The following TLN2 variants were observed in gnomAD, a reference collection of about 807,000 sequenced individuals.
TLN2 encodes talin-2.
A neutral mutation model predicts 294.7 loss-of-function variants in TLN2; 118 were observed. That is an observed-to-expected ratio of 0.40 (90% CI 0.34 to 0.47). The LOEUF is 0.47. Ranked by LOEUF, TLN2 falls within the 20% of genes least tolerant of loss-of-function variation. The pLI, the probability that TLN2 is intolerant of heterozygous loss-of-function variation, is 0.84. For synonymous variants in TLN2, 1,431 were observed against 1,304.5 expected (o/e 1.10, Z -2.09); for missense variants, 3,083 against 3,282.2 (o/e 0.94, Z 1.48).
chr15:62,757,420 C>T (rs992970630), intron 37 of TLN2, among the ~76,000 whole-genome samples: 4 of 152,182 alleles, frequency 2.6e-5, no homozygotes, highest in Non-Finnish European at 5.9e-5. Flanking sequence ...ATGAGCTTAT[C>T]TCAGTTAAAA....
chr15:62,609,575 G>A (rs1301579129), intron 2 of TLN2, among the ~76,000 whole-genome samples: 1 of 152,208 alleles, frequency 6.6e-6, no homozygotes, highest in East Asian at 1.9e-4. Flanking sequence ...CTCAGTTGAG[G>A]TTTGTGTCTT....
chr15:62,839,095 A>AGATGGTGTGGT (rs943707755), intron 58 of TLN2, 114 bp downstream of exon 58: 1 of 1,389,952 alleles, frequency 7.2e-7, no homozygotes, highest in African/African-American at 1.5e-5. Context: ...CGTGTACCAG[A>AGATGGTGTGGT]GATGGTGTGG....
intron 1 of TLN2, among the ~76,000 whole-genome samples, chr15:62,544,534 G>A (rs2140531145): frequency 6.6e-6 from 1 of 152,216 alleles, no homozygotes; most frequent in South Asian, 2.1e-4. Context: ...ATGCTTTCCT[G>A]AAAAAACAGA....
intron 28 of TLN2, among the ~76,000 whole-genome samples, chr15:62,730,121 TG>T (rs2060642684): frequency 6.6e-6 from 1 of 150,540 alleles, no homozygotes; most frequent in African/African-American, 2.4e-5. Flanking sequence ...CTCTGCTTCC[TG>T]GGTTCAAGCA....
At chr15:62,768,935 G>C (rs746143561) in intron 41 of TLN2, among the ~76,000 whole-genome samples, 8 of 152,216 alleles carry the variant, frequency 5.3e-5, no homozygotes, top group Non-Finnish European at 8.8e-5. Flanking sequence ...CTGAAGTGGA[G>C]CAATTGGAAC....
chr15:62,652,541 T>G (rs951915444), intron 6 of TLN2, among the ~76,000 whole-genome samples: 1 of 152,234 alleles, frequency 6.6e-6, no homozygotes, highest in Non-Finnish European at 1.5e-5. Context: ...AGAACAAGTC[T>G]GCCTCCTTTC....
intron 1 of TLN2, among the ~76,000 whole-genome samples, chr15:62,403,741 TG>T (rs1337734251): frequency 5.0e-4 from 76 of 152,346 alleles, no homozygotes; most frequent in African/African-American, 1.8e-3. Context: ...TGTTTCTTCC[TG>T]GCTTAAAGTT....
chr15:62,840,593 A>T lies in TLN2; in HGVS notation c.7612A>T (p.Arg2538Trp). The change falls in exon 59 of 59, where the codon AGG becomes TGG. Residue 2538 changes from arginine (R) to tryptophan (W), a missense_variant. Coordinates refer to ENST00000636159, the MANE Select transcript of TLN2 (RefSeq NM_015059.3). ...QQYKFLPTEL[R>W]EDEG ...GTATAAGTTTTTACCCACCGAGCTG[A>T]GGGAAGATGAGGGCTAAAGGTGCGA... 1 of 1,614,054 alleles carries T rather than the reference A, an allele frequency of 6.2e-7. No individual in the cohort carries two copies. The highest frequency in any genetic ancestry group is 1.3e-5 in the African/African-American group (1 of 75,052).
intron 45 of TLN2, among the ~76,000 whole-genome samples, chr15:62,790,278 T>C (rs749053696): frequency 3.3e-5 from 5 of 152,200 alleles, no homozygotes; most frequent in Admixed American, 1.3e-4. Context: ...AGTATACTAA[T>C]AACCCATTAC....
intron 32 of TLN2, 126 bp downstream of exon 32, chr15:62,740,895 G>T: frequency 8.1e-7 from 1 of 1,234,840 alleles, no homozygotes. Context: ...GTCATGGGAG[G>T]TGGAGCTGAG....
intron 1 of TLN2, among the ~76,000 whole-genome samples, chr15:62,437,237 G>C (rs924185692): frequency 1.3e-5 from 2 of 152,198 alleles, no homozygotes; most frequent in African/African-American, 2.4e-5. Flanking sequence ...CCTGCTAGAG[G>C]TCTAGGAATC....
chr15:62,721,401 C>T (rs955689226), intron 25 of TLN2, among the ~76,000 whole-genome samples: 5 of 151,930 alleles, frequency 3.3e-5, no homozygotes, highest in African/African-American at 7.3e-5. Flanking sequence ...TGCATTTCTC[C>T]GATATTCACA....
intron 1 of TLN2, among the ~76,000 whole-genome samples, chr15:62,430,538 G>C (rs1239071389): frequency 3.3e-5 from 5 of 152,198 alleles, no homozygotes; most frequent in African/African-American, 1.2e-4. Context: ...GCACTTGTTT[G>C]AGTTAATGAT....
At chr15:62,401,201 C>T (rs932676954) in intron 1 of TLN2, among the ~76,000 whole-genome samples, 2 of 152,182 alleles carry the variant, frequency 1.3e-5, no homozygotes, top group African/African-American at 4.8e-5. Flanking sequence ...AGAGTATTCC[C>T]TAAAAAGCTT....
chr15:62,785,511 G>A (rs1434009562), intron 45 of TLN2, among the ~76,000 whole-genome samples: 2 of 152,202 alleles, frequency 1.3e-5, no homozygotes, highest in Admixed American at 6.5e-5. Flanking sequence ...AAAATACTGG[G>A]CGTGATGGTG....
At chr15:62,525,008 ATCC>A (rs2040660624) in intron 1 of TLN2, among the ~76,000 whole-genome samples, 1 of 152,224 alleles carries the variant, frequency 6.6e-6, no homozygotes, top group African/African-American at 2.4e-5. Flanking sequence ...GGTGGAGCTC[ATCC>A]TCATAGTCAT....
intron 1 of TLN2, among the ~76,000 whole-genome samples, chr15:62,445,355 T>C (rs1048163304): frequency 6.6e-6 from 1 of 152,202 alleles, no homozygotes; most frequent in Admixed American, 6.5e-5. Context: ...GTATATGCTA[T>C]ATACGTTAGA....
intron 39 of TLN2, among the ~76,000 whole-genome samples, chr15:62,762,971 A>C (rs1027243312): frequency 6.6e-6 from 1 of 152,216 alleles, no homozygotes; most frequent in Admixed American, 6.5e-5. Context: ...GACATCCCCA[A>C]GTAGATATAA....
intron 22 of TLN2, 96 bp from the exon 23 acceptor site, chr15:62,716,235 A>G: frequency 7.6e-7 from 1 of 1,313,362 alleles, no homozygotes; most frequent in South Asian, 2.4e-5. Flanking sequence ...TATCCTTGCA[A>G]ATGCTTTCTA....
Sources: allele counts gnomAD v4.1 joint callset (sites outside exome capture counted in the v4.1 genomes callset), GRCh38; gene constraint gnomAD v4.1.1; transcripts MANE v1.5; gene names NCBI Gene and HGNC (gene_info 2026-07-23, HGNC 2026-07-21).